Variants in WRN observed in about 807,000 individuals in gnomAD.
WRN encodes bifunctional 3'-5' exonuclease/ATP-dependent helicase WRN.
WRN carries 149 observed loss-of-function variants against 180.7 expected under a neutral mutation model. The ratio of observed to expected loss-of-function variants is 0.82; its 90% CI spans 0.72 to 0.94. WRN has a LOEUF of 0.94. Ranked by LOEUF, WRN falls within the 40% of genes least tolerant of loss-of-function variation. The pLI is 0.00. For synonymous variants in WRN, 548 were observed against 568.9 expected (o/e 0.96, Z 0.52); for missense variants, 1,661 against 1,700.1 (o/e 0.98, Z 0.40).
chr8:31,086,328 T>G (rs1337327893), intron 11 of WRN, among the ~76,000 whole-genome samples: 1 of 152,112 alleles, frequency 6.6e-6, no homozygotes, highest in Non-Finnish European at 1.5e-5. Flanking sequence ...ATCTCAGCAC[T>G]TTGGGAGGCC....
chr8:31,118,896 AATT>A (rs1801616283), intron 20 of WRN, among the ~76,000 whole-genome samples: 1 of 151,924 alleles, frequency 6.6e-6, no homozygotes. Flanking sequence ...GTTGTGAATA[AATT>A]ATTTGATAAA....
At chr8:31,063,372 A>G (rs1055582150) in intron 3 of WRN, among the ~76,000 whole-genome samples, 6 of 152,154 alleles carry the variant, frequency 3.9e-5, no homozygotes, top group African/African-American at 1.2e-4. Flanking sequence ...TCTCTTGTTA[A>G]TGGAAATTTA....
rs752202315 is a variant in WRN, at chr8:31,083,780, G to C, written c.1350+1G>C. The stretch of plus-strand genomic sequence containing the variant: ...AGATTTAGAAATGGAGATGCTTAAG[G>C]TATGTTTACAATTATAAAAATATTA... On this transcript the variant is annotated splice_donor_variant, in intron 10 of 34. Coordinates refer to ENST00000298139, the MANE Select transcript of WRN (RefSeq NM_000553.6). LOFTEE classifies it high-confidence loss of function. 6.8e-7 allele frequency: 1 copy of C among 1,461,136 alleles called. No homozygotes were observed. The allele number at this position is 1,461,136 out of a possible 1,614,324, so 90.5% of individuals were successfully genotyped here.
chr8:31,150,570 A>T, intron 31 of WRN, 115 bp downstream of exon 31: 2 of 836,762 alleles, frequency 2.4e-6, no homozygotes, highest in Non-Finnish European at 4.0e-6. Context: ...CATACTGGAC[A>T]CTTAGAAAAT....
intron 34 of WRN, chr8:31,171,514 A>G (rs908093172): frequency 6.6e-5 from 10 of 152,144 alleles, no homozygotes; most frequent in African/African-American, 2.4e-4. Flanking sequence ...TTTCTAAGTC[A>G]TAGTATCTTA....
chr8:31,086,890 G>C (rs1010390314), intron 11 of WRN, among the ~76,000 whole-genome samples: 1 of 152,054 alleles, frequency 6.6e-6, no homozygotes, highest in African/African-American at 2.4e-5. Flanking sequence ...ACTTGTGGAC[G>C]TCTACAAACG....
intron 23 of WRN, 148 bp downstream of exon 23, chr8:31,125,148 T>A: frequency 1.3e-6 from 1 of 761,250 alleles, no homozygotes; most frequent in Non-Finnish European, 2.2e-6. Flanking sequence ...CAAACAATAT[T>A]AAAGTATTTT....
intron 9 of WRN, among the ~76,000 whole-genome samples, chr8:31,081,889 T>A (rs979377116): frequency 1.3e-5 from 2 of 152,150 alleles, no homozygotes; most frequent in African/African-American, 4.8e-5. Flanking sequence ...GCCTCCCTAG[T>A]AGCTGGGACC....
chr8:31,092,970 G>C (rs1407962887), intron 16 of WRN, among the ~76,000 whole-genome samples: 1 of 151,948 alleles, frequency 6.6e-6, no homozygotes, highest in East Asian at 1.9e-4. Flanking sequence ...TCAGAGTCAG[G>C]GTCTCCTTCT....
intron 30 of WRN, among the ~76,000 whole-genome samples, chr8:31,149,212 A>G (rs1802993562): frequency 6.6e-6 from 1 of 151,826 alleles, no homozygotes; most frequent in South Asian, 2.1e-4. Context: ...CCTGGCTAAC[A>G]CGGTGAAACC....
At chr8:31,078,224 G>A (rs1320764754) in intron 8 of WRN, among the ~76,000 whole-genome samples, 2 of 152,082 alleles carry the variant, frequency 1.3e-5, no homozygotes, top group Non-Finnish European at 1.5e-5. Flanking sequence ...CTTGGAAATG[G>A]GAAATACTGG....
intron 1 of WRN, among the ~76,000 whole-genome samples, chr8:31,055,820 A>T (rs1350398362): frequency 6.6e-6 from 1 of 152,216 alleles, no homozygotes; most frequent in Non-Finnish European, 1.5e-5. Context: ...ATATGTAAAT[A>T]AAAAATTATT....
chr8:31,121,082 G>A (rs1801708224), intron 21 of WRN, among the ~76,000 whole-genome samples: 1 of 151,958 alleles, frequency 6.6e-6, no homozygotes, highest in Admixed American at 6.6e-5. Flanking sequence ...AGTTCTATGA[G>A]ATTTTTTGTT....
chr8:31,168,855 G>T (rs1359712624), intron 34 of WRN, among the ~76,000 whole-genome samples: 1 of 152,098 alleles, frequency 6.6e-6, no homozygotes, highest in Non-Finnish European at 1.5e-5. Context: ...ACGTATTGTT[G>T]TGTTTATATC....
At chr8:31,165,804 C>G (rs1247146480) in intron 33 of WRN, among the ~76,000 whole-genome samples, 1 of 151,984 alleles carries the variant, frequency 6.6e-6, no homozygotes, top group Non-Finnish European at 1.5e-5. Context: ...CAACAGAATA[C>G]TGAGCCATTA....
chr8:31,159,420 A>G (rs1293110399), intron 33 of WRN, among the ~76,000 whole-genome samples: 4 of 152,092 alleles, frequency 2.6e-5, no homozygotes, highest in East Asian at 1.9e-4. Flanking sequence ...GTTGGGTACT[A>G]TGCTCACTAT....
intron 20 of WRN, among the ~76,000 whole-genome samples, 179 bp downstream of exon 20, chr8:31,116,707 C>T (rs1012176686): frequency 4.6e-5 from 7 of 152,106 alleles, no homozygotes; most frequent in African/African-American, 1.7e-4. Flanking sequence ...GTACCTAGTG[C>T]TTAGGTGCAC....
chr8:31,166,367 C>T (rs1288942771), intron 33 of WRN, among the ~76,000 whole-genome samples: 1 of 152,054 alleles, frequency 6.6e-6, no homozygotes, highest in Non-Finnish European at 1.5e-5. Context: ...TAGGAGGGTG[C>T]TACATAATTT....
chr8:31,046,158 A>T (rs1295896039), intron 1 of WRN, among the ~76,000 whole-genome samples: 1 of 152,190 alleles, frequency 6.6e-6, no homozygotes, highest in Non-Finnish European at 1.5e-5. Flanking sequence ...ATGAGATAGG[A>T]TAATAATTTA....
Sources: gnomAD v4.1 joint callset for allele counts (sites outside exome capture counted in the v4.1 genomes callset) on GRCh38, gnomAD v4.1.1 for gene constraint, MANE v1.5 for transcripts, NCBI Gene and HGNC (gene_info 2026-07-23, HGNC 2026-07-21) for gene names.